Variants in OXNAD1 observed in about 807,000 individuals in gnomAD.
OXNAD1 encodes the protein oxidoreductase NAD binding domain containing 1, also known as oxidoreductase NAD-binding domain-containing protein 1.
A neutral mutation model predicts 32.9 loss-of-function variants in OXNAD1; 34 were observed. The observed-to-expected ratio is 1.03, with a 90% CI of 0.79 to 1.38. The LOEUF (loss-of-function observed/expected upper bound fraction) is 1.38. Ranked by LOEUF, OXNAD1 falls within the 40% of genes most tolerant of loss-of-function variation. The pLI is 0.00. For missense variants in OXNAD1, 407 were observed against 379.4 expected (o/e 1.07, Z -0.60); for synonymous variants, 134 against 135.2 (o/e 0.99, Z 0.06).
chr3:16,323,619 A>G (rs757843668), intron 9 of OXNAD1, among the ~76,000 whole-genome samples: 5 of 152,146 alleles, frequency 3.3e-5, no homozygotes, highest in African/African-American at 1.2e-4. Flanking sequence ...AGGCCATCCA[A>G]CCTTGCTTCC....
intron 9 of OXNAD1, among the ~76,000 whole-genome samples, chr3:16,323,008 A>T (rs1285236168): frequency 6.6e-6 from 1 of 152,164 alleles, no homozygotes; most frequent in Non-Finnish European, 1.5e-5. Flanking sequence ...TGATAATGAG[A>T]TTAAGACACA....
chr3:16,295,769 T>G (rs1409401225), intron 6 of OXNAD1, among the ~76,000 whole-genome samples: 1 of 152,218 alleles, frequency 6.6e-6, no homozygotes, highest in African/African-American at 2.4e-5. Context: ...TCTTACCTTC[T>G]TTACCAAAAA....
chr3:16,340,591 TAG>T (rs1432867862), downstream of OXNAD1, among the ~76,000 whole-genome samples: 7 of 152,362 alleles, frequency 4.6e-5, no homozygotes, highest in African/African-American at 1.4e-4. Flanking sequence ...AGCCAACTGA[TAG>T]AGACTGAAAA....
downstream of OXNAD1, among the ~76,000 whole-genome samples, chr3:16,341,880 G>T (rs1048702360): frequency 6.6e-6 from 1 of 152,112 alleles, no homozygotes; most frequent in Non-Finnish European, 1.5e-5. The surrounding 1 kb of genome is among the most constrained non-coding windows in gnomAD (Gnocchi z 4.7). Flanking sequence ...TAAAAAATAT[G>T]CAAATATAGA....
intron 9 of OXNAD1, among the ~76,000 whole-genome samples, chr3:16,323,047 C>G (rs1297891059): frequency 1.3e-5 from 2 of 152,168 alleles, no homozygotes; most frequent in Non-Finnish European, 2.9e-5. Context: ...TCGAGCCATC[C>G]CCACCCCATG....
downstream of OXNAD1, among the ~76,000 whole-genome samples, chr3:16,351,099 G>A (rs117853769): frequency 2.0e-4 from 30 of 152,280 alleles, no homozygotes; most frequent in East Asian, 5.6e-3. This position sits in a 1 kb window ranked among gnomAD's most constrained non-coding sequence, Gnocchi z 5.4. Flanking sequence ...AGGGTTACAG[G>A]CCAGAGTAGG....
Position 16,301,712 on chromosome 3 carries a change from G to A in OXNAD1, c.519G>A (p.Val173=), listed in dbSNP as rs1287979094. The A allele has an allele frequency of 1.2e-6, 2 of 1,613,924 alleles. No homozygotes were observed. The highest frequency in any genetic ancestry group is 1.7e-5 in the Admixed American group (1 of 59,978). ...CTGCGGATGCCTCTAGAAACCTCGT[G>A]TTGATTGCAGGAGGAGTCGGAATTA... The part of the protein sequence containing the change: ...PQPADASRNL[V]LIAGGVGINP... The change falls in exon 7 of 9, where the codon GTG becomes GTA. Residue 173 remains valine (V), a synonymous_variant. Coordinates refer to ENST00000285083, the MANE Select transcript of OXNAD1 (RefSeq NM_138381.5). This position sits in a 1 kb window ranked among gnomAD's most constrained non-coding sequence, Gnocchi z 4.1.
chr3:16,272,264 CT>C (rs2065000422), intron 4 of OXNAD1: 1 of 408,974 alleles, frequency 2.4e-6, no homozygotes, highest in Non-Finnish European at 4.8e-6. Context: ...GAAAGCTAAT[CT>C]ACCACCTGAA....
intron 9 of OXNAD1, among the ~76,000 whole-genome samples, chr3:16,324,032 AT>A (rs2069391843): frequency 6.6e-6 from 1 of 152,162 alleles, no homozygotes; most frequent in African/African-American, 2.4e-5. Flanking sequence ...AATACAGTGA[AT>A]TCTCTCTTCC....
At position 16,317,048 on chromosome 3, in the gene OXNAD1, T is replaced by C; in HGVS notation, c.*30+13456T>C. On this transcript the variant is annotated intron_variant, in intron 9 of 9. Transcript: ENST00000435829. The surrounding 1 kb of genome is among the most constrained non-coding windows in gnomAD (Gnocchi z 4.3). ...CTCTTGGACAGGGCCCTTCATCTCC[T>C]CGGAGACTCCACCCTCCTGCTGCTG... is the stretch of plus-strand genomic sequence containing the variant. 6.2e-7 allele frequency: 1 copy of C among 1,613,692 alleles called. No homozygotes were observed. The highest frequency in any genetic ancestry group is 8.5e-7 in the Non-Finnish European group (1 of 1,179,932).
intron 4 of OXNAD1, among the ~76,000 whole-genome samples, chr3:16,283,837 A>G (rs943408414): frequency 6.6e-6 from 1 of 152,224 alleles, no homozygotes; most frequent in Non-Finnish European, 1.5e-5. Context: ...GCTGTTCCAG[A>G]CAAGGAGAAT....
chr3:16,326,854 T>C (rs2069750550), intron 9 of OXNAD1: 1 of 1,613,960 alleles, frequency 6.2e-7, no homozygotes. Flanking sequence ...CAGGGGCACG[T>C]AGTCTGTCTG....
chr3:16,345,416 C>CA lies in OXNAD1; in HGVS notation c.*31-3759dup, dbSNP rs1244339112. Among the ~76,000 whole-genome samples the CA allele has an allele frequency of 6.6e-6, 1 of 152,120 alleles. No individual in the cohort carries two copies. The highest frequency in any genetic ancestry group is 1.5e-5 in the Non-Finnish European group (1 of 68,026). On this transcript the variant is annotated intron_variant, in intron 9 of 9. Transcript: ENST00000606098. The surrounding 1 kb of genome is among the most constrained non-coding windows in gnomAD (Gnocchi z 5.2). ...CTTAACTTGCCACAGGATGCATAAA[C>CA]ATTATTTTTGGGCATGTTGTGAGGG... is the stretch of plus-strand genomic sequence containing the variant.
chr3:16,282,674 T>C, intron 4 of OXNAD1, among the ~76,000 whole-genome samples: 1 of 152,090 alleles, frequency 6.6e-6, no homozygotes, highest in East Asian at 1.9e-4. Context: ...GCTTGGCACA[T>C]GCTGAATGAC....
chr3:16,332,065 G>A (rs747955819), intron 9 of OXNAD1, among the ~76,000 whole-genome samples: 4 of 151,778 alleles, frequency 2.6e-5, no homozygotes, highest in African/African-American at 9.7e-5. Context: ...TAGAAGTTCC[G>A]GAATTTCATG....
chr3:16,312,960 G>A lies in OXNAD1; in HGVS notation c.*30+9368G>A, dbSNP rs6767356. Among the ~76,000 whole-genome samples the A allele has an allele frequency of 0.24, 35,894 of 151,922 alleles. 5,919 individuals carry two copies. The highest frequency in any genetic ancestry group is 0.48 in the African/African-American group (19,698 of 41,400). ...ATTATTACAGTATTTCTGTTAAGATGGGATATACTACGCTTCAGTAGCCAA... is the reference window on the plus strand; with the variant it reads ...ATTATTACAGTATTTCTGTTAAGATAGGATATACTACGCTTCAGTAGCCAA... On this transcript the variant is annotated intron_variant, in intron 9 of 9. Transcript: ENST00000435829. The surrounding 1 kb of genome is among the most constrained non-coding windows in gnomAD (Gnocchi z 4.7).
At chr3:16,279,203 C>A (rs910151880) in intron 4 of OXNAD1, among the ~76,000 whole-genome samples, 38 of 152,338 alleles carry the variant, frequency 2.5e-4, no homozygotes, top group Non-Finnish European at 4.4e-4. Context: ...AAACCTCAGG[C>A]ACTCACTGCC....
At chr3:16,270,822 G>GT in intron 2 of OXNAD1, 123 bp from the exon 3 acceptor site, 3 of 1,399,686 alleles carry the variant, frequency 2.1e-6, no homozygotes, top group Non-Finnish European at 2.9e-6. Flanking sequence ...TGCTTTGGTG[G>GT]TAACTTGACT....
chr3:16,318,748 A>G (rs2068712398), intron 9 of OXNAD1, among the ~76,000 whole-genome samples: 1 of 152,218 alleles, frequency 6.6e-6, no homozygotes, highest in Non-Finnish European at 1.5e-5. Context: ...GTATCCCCCA[A>G]AAAACCCAAA....
Sources: gnomAD v4.1 joint callset for allele counts (sites outside exome capture counted in the v4.1 genomes callset) on GRCh38, gnomAD v4.1.1 for gene constraint, Gnocchi (gnomAD v3.1) non-coding constraint, MANE v1.5 for transcripts, NCBI Gene and HGNC (gene_info 2026-07-23, HGNC 2026-07-21) for gene names.